The following KCNK1 variants were observed in gnomAD, a reference collection of about 807,000 sequenced individuals.
KCNK1 encodes the protein potassium channel subfamily K member 1.
KCNK1 carries 10 observed loss-of-function variants against 22.2 expected under a neutral mutation model. That is an observed-to-expected ratio of 0.45 (90% confidence interval 0.28 to 0.76). KCNK1 has a LOEUF of 0.76. KCNK1 is among the 30% of genes least tolerant of loss of function. The pLI, the probability that KCNK1 is intolerant of heterozygous loss-of-function variation, is 0.14. For synonymous variants in KCNK1, 200 were observed against 186.4 expected (o/e 1.07, Z -0.60); for missense variants, 378 against 421.0 (o/e 0.90, Z 0.89).
intron 1 of KCNK1, among the ~76,000 whole-genome samples, chr1:233,665,324 G>A (rs1167821988): frequency 2.6e-5 from 4 of 152,158 alleles, no homozygotes; most frequent in African/African-American, 9.7e-5. Flanking sequence ...TTTCCATAGT[G>A]TCACACTTTT....
chr1:233,629,044 A>T (rs948159120), intron 1 of KCNK1, among the ~76,000 whole-genome samples: 1 of 152,220 alleles, frequency 6.6e-6, no homozygotes, highest in African/African-American at 2.4e-5. Context: ...CTAACATTTT[A>T]TAATCCTAGG....
chr1:233,615,663 A>AC (rs957201961), intron 1 of KCNK1, among the ~76,000 whole-genome samples: 25 of 145,048 alleles, frequency 1.7e-4, no homozygotes, highest in African/African-American at 5.8e-4. Flanking sequence ...CCACTTTGTA[A>AC]CCCCCCACCC....
chr1:233,659,956 G>A (rs1658363779), intron 1 of KCNK1, among the ~76,000 whole-genome samples: 1 of 152,222 alleles, frequency 6.6e-6, no homozygotes, highest in Non-Finnish European at 1.5e-5. Flanking sequence ...GGAAGACACA[G>A]TACTGCACAC....
intron 1 of KCNK1, among the ~76,000 whole-genome samples, chr1:233,634,311 A>G (rs1657858666): frequency 3.7e-5 from 2 of 54,698 alleles, no homozygotes; most frequent in Admixed American, 2.5e-4. Context: ...CTCAACAACA[A>G]CAACAACAAA....
intron 1 of KCNK1, among the ~76,000 whole-genome samples, chr1:233,640,247 A>G (rs78666124): frequency 0.014 from 2,148 of 152,320 alleles, 55 homozygotes; most frequent in African/African-American, 0.049. Context: ...AGGCGTGGAA[A>G]CATTTATAAG....
intron 1 of KCNK1, among the ~76,000 whole-genome samples, chr1:233,628,348 A>G (rs1308659287): frequency 1.3e-5 from 2 of 152,216 alleles, no homozygotes; most frequent in Non-Finnish European, 2.9e-5. Context: ...ATTGGATACT[A>G]TGTTCACTAT....
chr1:233,622,192 C>T (rs887384983), intron 1 of KCNK1, among the ~76,000 whole-genome samples: 1 of 152,186 alleles, frequency 6.6e-6, no homozygotes, highest in African/African-American at 2.4e-5. Flanking sequence ...GAATTGCCGA[C>T]ACTCAATTGT....
At chr1:233,630,026 T>C (rs1177035960) in intron 1 of KCNK1, 1 of 152,190 alleles carries the variant, frequency 6.6e-6, no homozygotes, top group Non-Finnish European at 1.5e-5. Flanking sequence ...CACCTCCTGA[T>C]ACCTGTGTGG....
chr1:233,648,226 A>G (rs537382682), intron 1 of KCNK1, among the ~76,000 whole-genome samples: 1 of 152,352 alleles, frequency 6.6e-6, no homozygotes, highest in East Asian at 1.9e-4. Context: ...AAGAAAATCT[A>G]GAACTTCCTA....
intron 1 of KCNK1, among the ~76,000 whole-genome samples, chr1:233,657,237 T>C (rs1194316202): frequency 6.6e-6 from 1 of 152,136 alleles, no homozygotes; most frequent in Non-Finnish European, 1.5e-5. Flanking sequence ...TTTGTCCCCC[T>C]TCATCCACAA....
chr1:233,655,734 G>C (rs1217529929), intron 1 of KCNK1: 2 of 152,976 alleles, frequency 1.3e-5, no homozygotes, highest in Non-Finnish European at 2.9e-5. Context: ...AAGTCTATGA[G>C]GAAGCAGCCC....
intron 2 of KCNK1, 98 bp downstream of exon 2, chr1:233,667,088 G>A: frequency 9.7e-7 from 1 of 1,026,650 alleles, no homozygotes; most frequent in Non-Finnish European, 1.3e-6. Flanking sequence ...CTGTTGCCCA[G>A]GCTGGAGTGC....
intron 1 of KCNK1, among the ~76,000 whole-genome samples, chr1:233,645,604 C>G (rs888828022): frequency 1.3e-5 from 2 of 152,218 alleles, no homozygotes; most frequent in African/African-American, 4.8e-5. Flanking sequence ...ACTGCTAATA[C>G]CTTGATTTCA....
chr1:233,625,259 G>C (rs1334158913), intron 1 of KCNK1, among the ~76,000 whole-genome samples: 1 of 152,204 alleles, frequency 6.6e-6, no homozygotes, highest in African/African-American at 2.4e-5. Flanking sequence ...CGGCCTCTCT[G>C]AGCATGTATT....
intron 1 of KCNK1, chr1:233,637,313 C>T (rs554182992): frequency 6.6e-6 from 1 of 152,098 alleles, no homozygotes; most frequent in East Asian, 1.9e-4. Flanking sequence ...ACCCCATACC[C>T]AGGAAGCGAG....
intron 1 of KCNK1, among the ~76,000 whole-genome samples, chr1:233,652,184 T>G (rs1476487577): frequency 6.6e-6 from 1 of 152,102 alleles, no homozygotes; most frequent in Admixed American, 6.5e-5. Flanking sequence ...CTGAGACCTG[T>G]TTTTCCTGGG....
At chr1:233,667,594 G>A (rs1658518794) in intron 2 of KCNK1, among the ~76,000 whole-genome samples, 1 of 151,600 alleles carries the variant, frequency 6.6e-6, no homozygotes. Context: ...GCCGGGCGTG[G>A]TAGCGGGCGC....
At chr1:233,665,059 C>T (rs1658465848) in intron 1 of KCNK1, among the ~76,000 whole-genome samples, 1 of 152,176 alleles carries the variant, frequency 6.6e-6, no homozygotes, top group Non-Finnish European at 1.5e-5. Flanking sequence ...CCCTGATTAG[C>T]TAGATTTGGG....
chr1:233,658,221 C>T (rs1249282101), intron 1 of KCNK1, among the ~76,000 whole-genome samples: 2 of 152,028 alleles, frequency 1.3e-5, no homozygotes, highest in African/African-American at 4.8e-5. Flanking sequence ...AGAAATGGGA[C>T]AACAGGGATC....
Sources: gnomAD v4.1 joint callset for allele counts (sites outside exome capture counted in the v4.1 genomes callset) on GRCh38, gnomAD v4.1.1 for gene constraint, MANE v1.5 for transcripts, NCBI Gene and HGNC (gene_info 2026-07-23, HGNC 2026-07-21) for gene names.